Variants in PLXNA4 observed in about 807,000 individuals in gnomAD.
The protein encoded by PLXNA4 is plexin-A4.
In PLXNA4, 44 loss-of-function variants were observed where a neutral mutation model predicts 191.8. The observed-to-expected ratio is 0.23, with a 90% confidence interval of 0.18 to 0.29. The LOEUF (loss-of-function observed/expected upper bound fraction) is 0.29, where lower values mean the gene tolerates loss of function less well. Ranked by LOEUF, PLXNA4 falls within the 10% of genes least tolerant of loss-of-function variation. The pLI is 1.00. For synonymous variants in PLXNA4, 1,082 were observed against 1,009.5 expected (o/e 1.07, Z -1.36); for missense variants, 1,800 against 2,488.8 (o/e 0.72, Z 5.89).
At chr7:132,459,744 G>A (rs1796433900) in intron 3 of PLXNA4, among the ~76,000 whole-genome samples, 1 of 152,270 alleles carries the variant, frequency 6.6e-6, no homozygotes, top group South Asian at 2.1e-4. Context: ...ATCTGAAGTG[G>A]GGAGGCTCCC....
chr7:132,132,390 CTGTT>C (rs1394346867), intron 31 of PLXNA4, among the ~76,000 whole-genome samples: 1,643 of 44,798 alleles, frequency 0.037, 45 homozygotes, highest in African/African-American at 0.13. Context: ...TTGTTCTGTT[CTGTT>C]CTGTTCTGTT....
At chr7:132,172,685 A>T (rs1796325878) in intron 21 of PLXNA4, among the ~76,000 whole-genome samples, 1 of 152,152 alleles carries the variant, frequency 6.6e-6, no homozygotes, top group South Asian at 2.1e-4. Context: ...GGCCAGTAAA[A>T]GTTCTCAGAA....
At chr7:132,506,232 G>C (rs1798458264) in intron 2 of PLXNA4, among the ~76,000 whole-genome samples, 1 of 152,018 alleles carries the variant, frequency 6.6e-6, no homozygotes, top group Non-Finnish European at 1.5e-5. Flanking sequence ...CCAGAGTGAT[G>C]GCCTCTCCAC....
At chr7:132,246,818 T>G (rs947369211) in intron 4 of PLXNA4, among the ~76,000 whole-genome samples, 4 of 152,122 alleles carry the variant, frequency 2.6e-5, no homozygotes, top group Non-Finnish European at 5.9e-5. Flanking sequence ...CTCATCATCA[T>G]CCTCATCACC....
chr7:132,282,995 GC>G (rs59094925), intron 4 of PLXNA4, among the ~76,000 whole-genome samples: 7 of 151,372 alleles, frequency 4.6e-5, no homozygotes, highest in African/African-American at 1.2e-4. Flanking sequence ...TCCCACCTCA[GC>G]CCCCCCCAAG....
chr7:132,374,208 T>A (rs1021106258), intron 3 of PLXNA4, among the ~76,000 whole-genome samples: 1 of 152,228 alleles, frequency 6.6e-6, no homozygotes, highest in Non-Finnish European at 1.5e-5. Context: ...TGTGATTGAT[T>A]AGGGGCATCT....
intron 1 of PLXNA4, among the ~76,000 whole-genome samples, chr7:132,539,760 G>T (rs1799990627): frequency 6.6e-6 from 1 of 152,168 alleles, no homozygotes; most frequent in South Asian, 2.1e-4. Context: ...ATAAATATTT[G>T]CTAATATTGA....
At chr7:132,576,513 G>A, upstream of PLXNA4, 17 of 985,904 alleles carry the variant, frequency 1.7e-5, no homozygotes, top group Non-Finnish European at 1.9e-5. This position sits in a 1 kb window ranked among gnomAD's most constrained non-coding sequence, Gnocchi z 5.8. Context: ...TCCTCTGAAC[G>A]TGTGCGTGTG....
At chr7:132,158,610 A>G (rs1230992616) in intron 25 of PLXNA4, among the ~76,000 whole-genome samples, 1 of 152,228 alleles carries the variant, frequency 6.6e-6, no homozygotes, top group Non-Finnish European at 1.5e-5. Flanking sequence ...TTCTTACTAC[A>G]AGGCAGGCAC....
intron 4 of PLXNA4, among the ~76,000 whole-genome samples, chr7:132,243,486 C>G (rs1798948966): frequency 6.6e-6 from 1 of 152,162 alleles, no homozygotes; most frequent in Non-Finnish European, 1.5e-5. Context: ...TTCTCAAAAA[C>G]CTTTGCATTC....
intron 2 of PLXNA4, among the ~76,000 whole-genome samples, chr7:132,602,541 T>C (rs1023843633): frequency 6.6e-6 from 1 of 152,236 alleles, no homozygotes; most frequent in African/African-American, 2.4e-5. Context: ...TTTGCTTTTG[T>C]GACCAGGAGA....
intron 3 of PLXNA4, among the ~76,000 whole-genome samples, chr7:132,316,582 C>T (rs11763352): frequency 0.29 from 43,509 of 152,024 alleles, 8,013 homozygotes; most frequent in African/African-American, 0.51. Flanking sequence ...TTATGTACAT[C>T]ATTTCAGTGT....
intron 4 of PLXNA4, chr7:132,264,157 T>A (rs1221370091): frequency 6.6e-6 from 1 of 152,212 alleles, no homozygotes; most frequent in Non-Finnish European, 1.5e-5. Context: ...GAAAAGCAAC[T>A]AAGCCCAGAG....
chr7:132,315,499 T>A (rs567130532), intron 3 of PLXNA4, among the ~76,000 whole-genome samples: 1 of 152,236 alleles, frequency 6.6e-6, no homozygotes, highest in Non-Finnish European at 1.5e-5. Flanking sequence ...TTTGTACTCA[T>A]GTTGTATCTA....
At chr7:132,544,514 G>C (rs1040550053) in intron 1 of PLXNA4, among the ~76,000 whole-genome samples, 1 of 152,146 alleles carries the variant, frequency 6.6e-6, no homozygotes, top group Non-Finnish European at 1.5e-5. Context: ...AGAAAAGAAG[G>C]AGCACACAGA....
At chr7:132,465,706 G>A (rs1033169231) in intron 3 of PLXNA4, among the ~76,000 whole-genome samples, 3 of 152,074 alleles carry the variant, frequency 2.0e-5, no homozygotes, top group Admixed American at 6.5e-5. Flanking sequence ...ATGTCAGTTC[G>A]GGCCAGATGA....
At chr7:132,134,280 C>A (rs1182189851) in intron 30 of PLXNA4, among the ~76,000 whole-genome samples, 1 of 152,216 alleles carries the variant, frequency 6.6e-6, no homozygotes, top group African/African-American at 2.4e-5. Context: ...CCAGCCCTAT[C>A]CTTCACTTCT....
chr7:132,182,981 C>T (rs1796759810), intron 16 of PLXNA4, among the ~76,000 whole-genome samples: 1 of 152,172 alleles, frequency 6.6e-6, no homozygotes, highest in Non-Finnish European at 1.5e-5. Context: ...ACTGTGTCCT[C>T]CAGGGGGGCT....
At chr7:132,274,531 C>G (rs1055135796) in intron 4 of PLXNA4, among the ~76,000 whole-genome samples, 1 of 151,942 alleles carries the variant, frequency 6.6e-6, no homozygotes, top group Non-Finnish European at 1.5e-5. Context: ...TTTCCAGGGT[C>G]CCCCATTCCA....
Sources: allele counts gnomAD v4.1 joint callset (sites outside exome capture counted in the v4.1 genomes callset), GRCh38; gene constraint gnomAD v4.1.1; non-coding constraint Gnocchi (gnomAD v3.1); transcripts MANE v1.5; gene names NCBI Gene and HGNC (gene_info 2026-07-23, HGNC 2026-07-21).